The following MOBP variants were observed in gnomAD, a reference collection of about 807,000 sequenced individuals.
The protein encoded by MOBP is myelin associated oligodendrocyte basic protein.
A neutral mutation model predicts 15.0 loss-of-function variants in MOBP; 5 were observed. The observed-to-expected ratio is 0.33, with a 90% confidence interval of 0.17 to 0.70. The LOEUF is 0.70. Ranked by LOEUF, MOBP falls within the 30% of genes least tolerant of loss-of-function variation. MOBP has a pLI of 0.67. For missense variants in MOBP, 188 were observed against 257.8 expected (o/e 0.73, Z 1.85); for synonymous variants, 88 against 99.0 (o/e 0.89, Z 0.66).
chr3:39,496,984 G>A (rs1274897323), intron 2 of MOBP, among the ~76,000 whole-genome samples: 3 of 152,114 alleles, frequency 2.0e-5, no homozygotes, highest in Non-Finnish European at 4.4e-5. Flanking sequence ...TATACTTTTA[G>A]TAGAGATGGG....
At chr3:39,508,446 C>A (rs2043075944) in intron 4 of MOBP, among the ~76,000 whole-genome samples, 1 of 152,100 alleles carries the variant, frequency 6.6e-6, no homozygotes, top group East Asian at 1.9e-4. Context: ...CTGTCCCTAA[C>A]TTTTGCCTTT....
At chr3:39,513,465 A>C (rs983582269) in exon 5 of MOBP, 43 of 1,594,838 alleles carry the variant, frequency 2.7e-5, no homozygotes, top group Non-Finnish European at 3.3e-5. Flanking sequence ...CGGCTCCTGG[A>C]CTCATTGCTT....
At chr3:39,490,092 T>C (rs1435159271) in intron 2 of MOBP, among the ~76,000 whole-genome samples, 1 of 152,230 alleles carries the variant, frequency 6.6e-6, no homozygotes, top group Non-Finnish European at 1.5e-5. Context: ...ACTTATCTTC[T>C]CTTCTTTAAT....
intron 1 of MOBP, among the ~76,000 whole-genome samples, chr3:39,475,437 T>C (rs893818967): frequency 2.0e-5 from 3 of 152,166 alleles, no homozygotes; most frequent in African/African-American, 7.2e-5. Flanking sequence ...CTCCTTACAC[T>C]TTCACCTACT....
chr3:39,502,204 C>T lies in MOBP; in HGVS notation c.135C>T (p.Ser45=), dbSNP rs1264864230. 1 of 1,614,116 alleles carries T rather than the reference C, an allele frequency of 6.2e-7. No individual in the cohort carries two copies. The highest frequency in any genetic ancestry group is 1.3e-5 in the African/African-American group (1 of 74,938). ...SKKEIVDRKY[S]ICKSGCFYQK... is the part of the protein sequence containing the mutation. ...AGGAGATAGTGGATCGGAAATACAG[C>T]ATCTGTAAGAGCGGCTGCTTCTACC... The change falls in exon 3 of 4, where the codon AGC becomes AGT. Residue 45 remains serine (S), a synonymous_variant. Coordinates refer to ENST00000684792, the MANE Select transcript of MOBP (RefSeq NM_001393704.1). The surrounding 1 kb of genome is among the most constrained non-coding windows in gnomAD (Gnocchi z 6.3).
chr3:39,481,827 A>G (rs1158505294), intron 2 of MOBP, among the ~76,000 whole-genome samples: 6 of 152,086 alleles, frequency 3.9e-5, no homozygotes, highest in Admixed American at 3.3e-4. Flanking sequence ...ATATCATGCC[A>G]CCTCTCAGAA....
chr3:39,504,194 A>G (rs986988826), downstream of MOBP, among the ~76,000 whole-genome samples: 1 of 152,266 alleles, frequency 6.6e-6, no homozygotes, highest in Non-Finnish European at 1.5e-5. Context: ...AGCAAGTTGT[A>G]TGACAGGTTA....
chr3:39,500,439 A>G (rs1575309736), intron 2 of MOBP, among the ~76,000 whole-genome samples: 1 of 152,358 alleles, frequency 6.6e-6, no homozygotes, highest in Non-Finnish European at 1.5e-5. Flanking sequence ...AGATGAGCCT[A>G]TAAGGGAAAT....
chr3:39,518,403 G>A (rs1040264588), downstream of MOBP, among the ~76,000 whole-genome samples: 3 of 152,154 alleles, frequency 2.0e-5, no homozygotes, highest in African/African-American at 7.2e-5. Context: ...AGAAAGTCTG[G>A]GTCCATGTTT....
intron 1 of MOBP, among the ~76,000 whole-genome samples, chr3:39,479,420 T>C (rs2042594624): frequency 6.6e-6 from 1 of 151,704 alleles, no homozygotes; most frequent in African/African-American, 2.4e-5. Flanking sequence ...AAATAGCCCT[T>C]CTGAGATCTG....
Position 39,482,132 on chromosome 3 carries a change from T to G in MOBP, c.-5+2009T>G, listed in dbSNP as rs540268116. Among the ~76,000 whole-genome samples the G allele has an allele frequency of 2.0e-5, 3 of 152,202 alleles. No homozygotes were observed. In the East Asian group the frequency reaches 5.8e-4, roughly 29 times the overall value. On this transcript the variant is annotated intron_variant, in intron 2 of 3. Coordinates refer to ENST00000684792, the MANE Select transcript of MOBP (RefSeq NM_001393704.1). ...CTGTTTTTCGCCCAAACCTTCTTTT[T>G]CTCTAGTAGATACTTCCAACACCCA...
rs1225213467 is a variant in MOBP at position 39,469,136 on chromosome 3, G to GTA, written c.-89+1401_-89+1402dup. Reference sequence around the variant, plus strand: ...TATATACATATATACATATGTGTGTGTATATACATATATACATATGTGTGT... The same window carrying GTA: ...TATATACATATATACATATGTGTGTGTATATATACATATATACATATGTGTGT... On this transcript the variant is annotated intron_variant, in intron 1 of 3. Transcript: ENST00000684792. Among the ~76,000 whole-genome samples, 39 of 50,060 alleles carry GTA rather than the reference G, an allele frequency of 7.8e-4. 9 individuals carry two copies. Among genetic ancestry groups the GTA allele is most frequent in the African/African-American group, 3.9e-3 (11 of 2,844 alleles). The allele number at this position is 50,060 out of a possible 152,430, so 32.8% of individuals were successfully genotyped here.
At chr3:39,496,105 A>C (rs1246601434) in intron 2 of MOBP, among the ~76,000 whole-genome samples, 1 of 152,122 alleles carries the variant, frequency 6.6e-6, no homozygotes, top group Non-Finnish European at 1.5e-5. Flanking sequence ...TTTACAGGTA[A>C]ATATTTTCAA....
intron 1 of MOBP, among the ~76,000 whole-genome samples, chr3:39,468,568 A>G (rs1297133304): frequency 6.6e-6 from 1 of 152,186 alleles, no homozygotes; most frequent in African/African-American, 2.4e-5. Flanking sequence ...TGCAAACAAT[A>G]CAGAAAATTT....
chr3:39,521,052 C>A (rs2125675349), intron 3 of MOBP, among the ~76,000 whole-genome samples: 1 of 152,092 alleles, frequency 6.6e-6, no homozygotes, highest in Non-Finnish European at 1.5e-5. Flanking sequence ...CAGGCTCAAG[C>A]AATTCTCATG....
chr3:39,507,934 G>A (rs199823195), downstream of MOBP, among the ~76,000 whole-genome samples: 11 of 151,974 alleles, frequency 7.2e-5, no homozygotes, highest in South Asian at 4.2e-4. Flanking sequence ...TTTTAATGTC[G>A]TTCACAAATA....
At chr3:39,471,498 C>T (rs1366783076) in intron 1 of MOBP, among the ~76,000 whole-genome samples, 2 of 152,188 alleles carry the variant, frequency 1.3e-5, no homozygotes, top group African/African-American at 4.8e-5. Context: ...TGGGTAGGCA[C>T]ATCTGCTTTG....
chr3:39,513,734 G>A (rs1251399229), exon 5 of MOBP: 5 of 342,036 alleles, frequency 1.5e-5, no homozygotes, highest in Non-Finnish European at 2.6e-5. Flanking sequence ...GATATGCACA[G>A]GCCTCCAGGG....
chr3:39,490,017 A>G (rs2042772762), intron 2 of MOBP, among the ~76,000 whole-genome samples: 2 of 152,254 alleles, frequency 1.3e-5, no homozygotes, highest in Admixed American at 1.3e-4. Flanking sequence ...CAATAATTAA[A>G]TAAGAATCAA....
Sources: allele counts gnomAD v4.1 joint callset (sites outside exome capture counted in the v4.1 genomes callset), GRCh38; gene constraint gnomAD v4.1.1; non-coding constraint Gnocchi (gnomAD v3.1); transcripts MANE v1.5; gene names NCBI Gene and HGNC (gene_info 2026-07-23, HGNC 2026-07-21).